The following PCDH9 variants were observed in gnomAD, a reference collection of about 807,000 sequenced individuals.
The protein encoded by PCDH9 is protocadherin-9.
In PCDH9, 24 loss-of-function variants were observed where a neutral mutation model predicts 70.6. The ratio of observed to expected loss-of-function variants is 0.34; its 90% CI spans 0.25 to 0.48. The LOEUF (loss-of-function observed/expected upper bound fraction) is 0.48. PCDH9 is among the 20% of genes least tolerant of loss of function. PCDH9 has a pLI of 0.99. For missense variants in PCDH9, 1,281 were observed against 1,503.6 expected, an observed-to-expected ratio of 0.85 and a Z score of 2.45; for synonymous variants, 562 against 558.5, an observed-to-expected ratio of 1.01 and a Z score of -0.09.
At chr13:66,338,786 T>C (rs1258389879) in intron 4 of PCDH9, among the ~76,000 whole-genome samples, 1 of 151,976 alleles carries the variant, frequency 6.6e-6, no homozygotes, top group Non-Finnish European at 1.5e-5. Context: ...TAGAAATCTA[T>C]CTCCTTTATG....
At chr13:67,220,790 C>T (rs2089707395) in intron 2 of PCDH9, 1 of 151,958 alleles carries the variant, frequency 6.6e-6, no homozygotes, top group East Asian at 1.9e-4. Context: ...ATGTTTAATA[C>T]AATAGTAACT....
intron 2 of PCDH9, among the ~76,000 whole-genome samples, chr13:67,166,954 G>A (rs746075844): frequency 6.6e-6 from 1 of 152,104 alleles, no homozygotes; most frequent in African/African-American, 2.4e-5. Flanking sequence ...TAAAAAGCAA[G>A]GGTTCTTTAC....
chr13:66,770,163 T>G (rs530028724), intron 3 of PCDH9, among the ~76,000 whole-genome samples: 1 of 151,990 alleles, frequency 6.6e-6, no homozygotes, highest in Admixed American at 6.6e-5. Flanking sequence ...TTACTATAGA[T>G]AGAAAAGATA....
intron 4 of PCDH9, among the ~76,000 whole-genome samples, chr13:66,421,346 G>A (rs561375043): frequency 2.8e-4 from 42 of 152,196 alleles, no homozygotes; most frequent in Non-Finnish European, 2.8e-4. Flanking sequence ...GATACTTCTC[G>A]AGAAGAGCAA....
chr13:66,806,909 T>C (rs76016208), intron 3 of PCDH9, among the ~76,000 whole-genome samples: 2,365 of 152,286 alleles, frequency 0.016, 75 homozygotes, highest in African/African-American at 0.054. Context: ...TATCCATTTA[T>C]GATAAAGAAT....
intron 2 of PCDH9, among the ~76,000 whole-genome samples, chr13:66,932,200 G>C (rs958695401): frequency 6.6e-6 from 1 of 152,082 alleles, no homozygotes; most frequent in Non-Finnish European, 1.5e-5. Context: ...CAGAAGCCTT[G>C]AGTAAAAATC....
chr13:66,392,672 TC>T (rs1259147023), intron 4 of PCDH9, among the ~76,000 whole-genome samples: 1 of 152,136 alleles, frequency 6.6e-6, no homozygotes, highest in Admixed American at 6.6e-5. Context: ...AGTCTACATT[TC>T]GTGGCTTGAA....
At chr13:66,989,329 T>C (rs2083955688) in intron 2 of PCDH9, among the ~76,000 whole-genome samples, 1 of 151,936 alleles carries the variant, frequency 6.6e-6, no homozygotes. Flanking sequence ...CCAAATGACC[T>C]TATGAAGTTA....
chr13:66,951,746 T>A (rs879614992), intron 2 of PCDH9, among the ~76,000 whole-genome samples: 1,648 of 152,294 alleles, frequency 0.011, 21 homozygotes, highest in Non-Finnish European at 0.017. Flanking sequence ...CTGAATTTTT[T>A]AGAGCATTTG....
At chr13:66,801,312 A>C (rs1338415655) in intron 3 of PCDH9, among the ~76,000 whole-genome samples, 1 of 152,134 alleles carries the variant, frequency 6.6e-6, no homozygotes, top group East Asian at 1.9e-4. Flanking sequence ...TGACCAATAG[A>C]AAATAAGGTT....
At chr13:66,925,933 A>G (rs1036508635) in intron 2 of PCDH9, among the ~76,000 whole-genome samples, 4 of 152,150 alleles carry the variant, frequency 2.6e-5, no homozygotes, top group African/African-American at 9.6e-5. Context: ...TTACGATGTT[A>G]TATTTCCACA....
intron 3 of PCDH9, among the ~76,000 whole-genome samples, chr13:66,892,520 G>A (rs943521979): frequency 6.6e-6 from 1 of 151,754 alleles, no homozygotes; most frequent in Non-Finnish European, 1.5e-5. Flanking sequence ...CAGCATTTGG[G>A]CTTTGCTACG....
intron 3 of PCDH9, among the ~76,000 whole-genome samples, chr13:66,756,738 A>G (rs757731179): frequency 6.6e-6 from 1 of 152,148 alleles, no homozygotes; most frequent in African/African-American, 2.4e-5. Context: ...TGATTATTTT[A>G]CAATAATGGA....
At chr13:66,453,459 T>C (rs1371824620) in intron 4 of PCDH9, among the ~76,000 whole-genome samples, 2 of 152,188 alleles carry the variant, frequency 1.3e-5, no homozygotes, top group Non-Finnish European at 2.9e-5. Flanking sequence ...TTTTTGCAGG[T>C]CCCCAGCACT....
At chr13:66,496,156 C>T (rs1469635384) in intron 4 of PCDH9, among the ~76,000 whole-genome samples, 1 of 152,192 alleles carries the variant, frequency 6.6e-6, no homozygotes, top group Non-Finnish European at 1.5e-5. Context: ...TTGACCCGTG[C>T]TGAACATGTT....
chr13:66,743,991 G>A (rs988134147), intron 3 of PCDH9, among the ~76,000 whole-genome samples: 33 of 152,050 alleles, frequency 2.2e-4, no homozygotes, highest in African/African-American at 8.0e-4. Flanking sequence ...ATGTAAATGG[G>A]AAAGGGCAGA....
At chr13:66,424,778 G>A (rs183798828) in intron 4 of PCDH9, among the ~76,000 whole-genome samples, 39 of 151,932 alleles carry the variant, frequency 2.6e-4, no homozygotes, top group African/African-American at 7.7e-4. Context: ...TATAATTTAC[G>A]TTTGTGTAAA....
At chr13:66,502,265 G>C (rs1959180704) in intron 4 of PCDH9, among the ~76,000 whole-genome samples, 1 of 151,982 alleles carries the variant, frequency 6.6e-6, no homozygotes, top group Admixed American at 6.6e-5. Context: ...ACTGAATAAG[G>C]TTATTATTGT....
chr13:66,645,023 C>A (rs181480490), intron 3 of PCDH9, among the ~76,000 whole-genome samples: 2 of 152,042 alleles, frequency 1.3e-5, no homozygotes, highest in Admixed American at 1.3e-4. Flanking sequence ...GATCATAGAG[C>A]GTACTGTCTG....
Sources: allele counts gnomAD v4.1 joint callset (sites outside exome capture counted in the v4.1 genomes callset), GRCh38; gene constraint gnomAD v4.1.1; transcripts MANE v1.5; gene names NCBI Gene and HGNC (gene_info 2026-07-23, HGNC 2026-07-21).